RALY: variants seen among roughly 807,000 people sequenced by gnomAD.
RALY encodes the protein RALY heterogeneous nuclear ribonucleoprotein.
Under a neutral mutation model 30.7 loss-of-function variants are expected in RALY, and 15 were observed. The ratio of observed to expected loss-of-function variants is 0.49; its 90% CI spans 0.33 to 0.75. The LOEUF (loss-of-function observed/expected upper bound fraction) is 0.75. RALY is among the 30% of genes least tolerant of loss of function. The probability of loss-of-function intolerance (pLI) is 0.02; values close to 1 mark genes in which losing one functional copy is unlikely to be tolerated. For missense variants in RALY, 339 were observed against 414.3 expected (o/e 0.82, Z 1.58); for synonymous variants, 177 against 170.8 (o/e 1.04, Z -0.28).
chr20:34,004,811 C>T (rs2031086202), intron 1 of RALY, among the ~76,000 whole-genome samples: 1 of 152,158 alleles, frequency 6.6e-6, no homozygotes, highest in African/African-American at 2.4e-5. Context: ...AGAACTTAGT[C>T]TCTCAGAGCT....
intron 4 of RALY, 63 bp downstream of exon 4, chr20:34,073,698 A>G: frequency 1.9e-6 from 3 of 1,542,020 alleles, no homozygotes; most frequent in Admixed American, 1.7e-5. Context: ...AGAGGGAGTA[A>G]ATGCTGGTGT....
chr20:34,031,008 T>G, intron 1 of RALY, among the ~76,000 whole-genome samples: 1 of 151,132 alleles, frequency 6.6e-6, no homozygotes, highest in South Asian at 2.1e-4. Context: ...TTTGCTTCCC[T>G]TCCCTCCCTC....
Position 34,083,779 on chromosome 20 carries a change from T to G in RALY, c.*3874T>G, listed in dbSNP as rs1323222040. The G allele has an allele frequency of 6.6e-6, 1 of 152,246 alleles. No individual in the cohort carries two copies. Among genetic ancestry groups the G allele is most frequent in the Admixed American group, 6.5e-5 (1 of 15,284 alleles). The allele number at this position is 152,246 out of a possible 1,614,324, so 9.4% of individuals were successfully genotyped here. On this transcript the variant is annotated 3_prime_UTR_variant, in exon 10 of 10. Transcript: ENST00000246194. Reference sequence around the variant, plus strand: ...CTGCCCCATAGGATGTTATATGCAGTAGGCCTGTCTGACAAGACCACAGAA... The same window carrying G: ...CTGCCCCATAGGATGTTATATGCAGGAGGCCTGTCTGACAAGACCACAGAA...
At chr20:34,072,535 C>T (rs1453392142) in intron 3 of RALY, among the ~76,000 whole-genome samples, 1 of 152,238 alleles carries the variant, frequency 6.6e-6, no homozygotes, top group Non-Finnish European at 1.5e-5. Flanking sequence ...ACACTTCTGA[C>T]CTGTCTCTGC....
chr20:34,033,385 G>T (rs2032357740), intron 2 of RALY: 1 of 152,190 alleles, frequency 6.6e-6, no homozygotes, highest in African/African-American at 2.4e-5. Context: ...AGTACCTGAG[G>T]CTGAGTAATT....
intron 2 of RALY, among the ~76,000 whole-genome samples, chr20:34,068,019 G>T (rs1465252938): frequency 6.6e-6 from 1 of 152,000 alleles, no homozygotes; most frequent in Non-Finnish European, 1.5e-5. Context: ...CTTCTCTTCT[G>T]TTCTTCCGAG....
chr20:34,067,810 TTTTTTC>T (rs1433260611), intron 2 of RALY, among the ~76,000 whole-genome samples: 1 of 89,690 alleles, frequency 1.1e-5, no homozygotes, highest in Non-Finnish European at 2.2e-5. Flanking sequence ...AGCTTTTTTC[TTTTTTC>T]TTTTTTTTTT....
chr20:34,028,740 CAGAG>C (rs1347739305), intron 1 of RALY, among the ~76,000 whole-genome samples: 2 of 135,940 alleles, frequency 1.5e-5, no homozygotes, highest in Non-Finnish European at 1.5e-5. Context: ...AAAAACATGG[CAGAG>C]AGAGTGGCAA....
chr20:34,010,697 A>G (rs188682779), intron 1 of RALY, among the ~76,000 whole-genome samples: 1 of 152,258 alleles, frequency 6.6e-6, no homozygotes, highest in East Asian at 1.9e-4. Context: ...AGTGTTAGGA[A>G]CTCAAAAAGC....
intron 2 of RALY, among the ~76,000 whole-genome samples, chr20:34,059,975 A>T (rs2033367026): frequency 6.6e-6 from 1 of 152,186 alleles, no homozygotes; most frequent in African/African-American, 2.4e-5. Context: ...TGTATTCCTT[A>T]TGAGCTCTGG....
intron 5 of RALY, among the ~76,000 whole-genome samples, chr20:34,074,918 C>T (rs2033831719): frequency 6.6e-6 from 1 of 152,172 alleles, no homozygotes; most frequent in Admixed American, 6.5e-5. Flanking sequence ...GGCTTTTGCC[C>T]AGTGATGGCA....
intron 2 of RALY, among the ~76,000 whole-genome samples, chr20:34,045,771 A>G (rs536850129): frequency 6.6e-6 from 1 of 152,322 alleles, no homozygotes; most frequent in East Asian, 1.9e-4. Flanking sequence ...CTGGAAGGTC[A>G]TGGCTAGAGT....
intron 2 of RALY, among the ~76,000 whole-genome samples, chr20:34,040,312 C>G (rs963879550): frequency 1.3e-5 from 2 of 152,082 alleles, no homozygotes; most frequent in African/African-American, 2.4e-5. Flanking sequence ...GATATGGTAG[C>G]AAAGATTGGA....
At chr20:34,039,998 C>A (rs112018830) in intron 2 of RALY, among the ~76,000 whole-genome samples, 1 of 151,994 alleles carries the variant, frequency 6.6e-6, no homozygotes, top group Non-Finnish European at 1.5e-5. Context: ...GTAATCCTAG[C>A]TACTTGGGAG....
In RALY at chr20:34,080,490, G is replaced by A. The variant is rs1036215107; in HGVS notation, c.*585G>A. 3.3e-5 allele frequency: 5 copies of A among 152,184 alleles called. No individual in the cohort carries two copies. Among genetic ancestry groups the A allele is most frequent in the Non-Finnish European group, 5.9e-5 (4 of 68,056 alleles). The allele number at this position is 152,184 out of a possible 1,614,324, so 9.4% of individuals were successfully genotyped here. On this transcript the variant is annotated 3_prime_UTR_variant, in exon 10 of 10. Transcript: ENST00000246194. ...TGTGACCCACTTGGTTTACCCCATA[G>A]TAGGTCAAGACCTTATCTCTTTCCC...
chr20:34,073,455 A>G (rs753186352), intron 3 of RALY, 108 bp from the exon 4 acceptor site: 20 of 1,023,214 alleles, frequency 2.0e-5, no homozygotes, highest in Non-Finnish European at 2.9e-5. Flanking sequence ...AGCAGAATCC[A>G]TGTGTATACC....
intron 1 of RALY, among the ~76,000 whole-genome samples, chr20:34,012,872 C>T (rs2031461397): frequency 3.9e-5 from 6 of 152,194 alleles, no homozygotes; most frequent in Admixed American, 3.9e-4. Context: ...CCTGGATGTG[C>T]CAGGCTGTAT....
rs1032412584 is a variant in RALY, at chr20:34,041,827, G to A, written c.-10+10223G>A. On this transcript the variant is annotated intron_variant, in intron 2 of 9. Coordinates refer to ENST00000246194, the MANE Select transcript of RALY (RefSeq NM_016732.3). ...AACATCCAGAACAGAGCTTCTGGCTGGGTGCAGTGGCTCATGCCTGTAATT... is the reference window on the plus strand; with the variant it reads ...AACATCCAGAACAGAGCTTCTGGCTAGGTGCAGTGGCTCATGCCTGTAATT... Among the ~76,000 whole-genome samples the A allele has an allele frequency of 5.9e-5, 9 of 152,268 alleles. No homozygotes were observed. The South Asian group carries it at 1.5e-3, about 25-fold the overall frequency.
intron 2 of RALY, among the ~76,000 whole-genome samples, chr20:34,041,877 G>A (rs1413170032): frequency 6.6e-6 from 1 of 152,104 alleles, no homozygotes; most frequent in Admixed American, 6.6e-5. Flanking sequence ...AGGCTGAGGC[G>A]GGTGGATCAT....
Sources: allele counts gnomAD v4.1 joint callset (sites outside exome capture counted in the v4.1 genomes callset), GRCh38; gene constraint gnomAD v4.1.1; transcripts MANE v1.5; gene names NCBI Gene and HGNC (gene_info 2026-07-23, HGNC 2026-07-21).